GNAO1: variants seen among roughly 807,000 people sequenced by gnomAD.
The protein encoded by GNAO1 is guanine nucleotide-binding protein G(o) subunit alpha.
For missense variants in GNAO1, 166 were observed against 478.7 expected, an observed-to-expected ratio of 0.35 and a Z score of 6.10; for synonymous variants, 164 against 180.7, an observed-to-expected ratio of 0.91 and a Z score of 0.74.
chr16:56,262,265 G>A (rs894904578), intron 2 of GNAO1, among the ~76,000 whole-genome samples: 2 of 152,236 alleles, frequency 1.3e-5, no homozygotes, highest in African/African-American at 2.4e-5. Flanking sequence ...ACAGCAAGTC[G>A]CAAGGGAGCC....
chr16:56,298,737 C>A (rs1304526762), intron 3 of GNAO1, among the ~76,000 whole-genome samples: 1 of 151,602 alleles, frequency 6.6e-6, no homozygotes, highest in Non-Finnish European at 1.5e-5. Context: ...ACGGTGAAAC[C>A]CCATGTCTAC....
At chr16:56,279,650 C>A (rs2037096616) in intron 3 of GNAO1, among the ~76,000 whole-genome samples, 1 of 152,206 alleles carries the variant, frequency 6.6e-6, no homozygotes, top group Non-Finnish European at 1.5e-5. Context: ...AGGGCTTTCT[C>A]CATGAAGCTC....
intron 3 of GNAO1, among the ~76,000 whole-genome samples, chr16:56,277,882 C>T (rs538087232): frequency 1.9e-4 from 29 of 151,874 alleles, no homozygotes; most frequent in African/African-American, 6.8e-4. Context: ...ATTCATCTCC[C>T]AGCCAGCTCT....
intron 8 of GNAO1, 72 bp downstream of exon 8, chr16:56,355,153 CA>C: frequency 7.3e-6 from 4 of 550,790 alleles, no homozygotes; most frequent in Non-Finnish European, 1.3e-5. Flanking sequence ...CACACACACA[CA>C]CCACTAACAA....
At chr16:56,225,916 T>A (rs1326805400) in intron 2 of GNAO1, among the ~76,000 whole-genome samples, 2 of 151,916 alleles carry the variant, frequency 1.3e-5, no homozygotes, top group Non-Finnish European at 2.9e-5. Flanking sequence ...GAATGAAATC[T>A]CAGCCAGGAT....
intron 2 of GNAO1, among the ~76,000 whole-genome samples, chr16:56,255,954 A>T (rs1169092713): frequency 6.6e-6 from 1 of 152,168 alleles, no homozygotes; most frequent in Admixed American, 6.5e-5. Context: ...AAATCTTTTA[A>T]GTCTGCCCTG....
At chr16:56,341,294 C>T (rs148248381) in intron 6 of GNAO1, among the ~76,000 whole-genome samples, 10 of 152,300 alleles carry the variant, frequency 6.6e-5, no homozygotes, top group Middle Eastern at 3.4e-3. Context: ...GAGCAAACGC[C>T]GAGAAGATGA....
intron 2 of GNAO1, among the ~76,000 whole-genome samples, chr16:56,267,302 C>T (rs565082012): frequency 4.6e-5 from 7 of 152,306 alleles, no homozygotes; most frequent in Admixed American, 4.6e-4. Flanking sequence ...AGTCAGCTTG[C>T]TGTTCATGCC....
intron 2 of GNAO1, among the ~76,000 whole-genome samples, chr16:56,265,189 G>T (rs1191174125): frequency 4.6e-5 from 7 of 152,182 alleles, no homozygotes; most frequent in Admixed American, 4.6e-4. Flanking sequence ...CACCGTGAGG[G>T]GTTTGGTTGA....
At chr16:56,323,009 T>C (rs767463923) in intron 3 of GNAO1, among the ~76,000 whole-genome samples, 8 of 152,170 alleles carry the variant, frequency 5.3e-5, no homozygotes, top group Non-Finnish European at 7.3e-5. Context: ...GCACCAGCTG[T>C]ACCATGGTGT....
At chr16:56,280,861 C>G (rs1204339348) in intron 3 of GNAO1, among the ~76,000 whole-genome samples, 1 of 152,060 alleles carries the variant, frequency 6.6e-6, no homozygotes, top group African/African-American at 2.4e-5. Context: ...TGGGGGAGGT[C>G]CGCACATATC....
At chr16:56,260,792 C>T (rs957693932) in intron 2 of GNAO1, among the ~76,000 whole-genome samples, 5 of 152,100 alleles carry the variant, frequency 3.3e-5, no homozygotes, top group East Asian at 1.9e-4. Flanking sequence ...CTGGGAGCCG[C>T]GGCGGGGCTA....
At chr16:56,350,132 C>G (rs2037907466) in intron 6 of GNAO1, among the ~76,000 whole-genome samples, 2 of 152,090 alleles carry the variant, frequency 1.3e-5, no homozygotes, top group African/African-American at 2.4e-5. Flanking sequence ...GGCAGTGGGA[C>G]CAGCAATTCC....
chr16:56,296,763 T>C (rs1206328568), intron 3 of GNAO1, among the ~76,000 whole-genome samples: 1 of 152,236 alleles, frequency 6.6e-6, no homozygotes, highest in Non-Finnish European at 1.5e-5. Flanking sequence ...TAGATACTTC[T>C]GGGAAACCAA....
At chr16:56,305,046 C>T (rs1452520079) in intron 3 of GNAO1, among the ~76,000 whole-genome samples, 5 of 152,242 alleles carry the variant, frequency 3.3e-5, no homozygotes, top group African/African-American at 1.2e-4. Context: ...CACAGCCTGG[C>T]TCTCTTGGAT....
intron 6 of GNAO1, chr16:56,340,496 C>T (rs946221293): frequency 3.4e-5 from 9 of 263,154 alleles, no homozygotes; most frequent in South Asian, 1.8e-4. Flanking sequence ...GCGGCCCCTG[C>T]GCTGTACGTG....
chr16:56,285,212 G>A (rs1809347), intron 3 of GNAO1, among the ~76,000 whole-genome samples: 53,685 of 152,038 alleles, frequency 0.35, 9,708 homozygotes, highest in Non-Finnish European at 0.39. Context: ...GATGCCTTGC[G>A]CTTGTGTGCT....
rs1415893464 is a variant in GNAO1, at chr16:56,318,162, A to G, written c.304-10469A>G. Among the ~76,000 whole-genome samples the G allele has an allele frequency of 5.3e-5, 8 of 152,262 alleles. No individual in the cohort carries two copies. The South Asian group carries it at 1.7e-3, about 32-fold the overall frequency. ...CCCGCCCCGGAAGGGAGTGCTCCCC[A>G]CTGTTCTGACGCCCAGCTGCAGAGA... On this transcript the variant is annotated intron_variant, in intron 3 of 8. Transcript: ENST00000262493.
intron 3 of GNAO1, among the ~76,000 whole-genome samples, chr16:56,280,852 G>T (rs147117261): frequency 1.3e-5 from 2 of 152,290 alleles, no homozygotes; most frequent in East Asian, 1.9e-4. Flanking sequence ...GTTTCCAGGT[G>T]GGGGAGGTCC....
Sources: gnomAD v4.1 joint callset for allele counts (sites outside exome capture counted in the v4.1 genomes callset) on GRCh38, gnomAD v4.1.1 for gene constraint, MANE v1.5 for transcripts, NCBI Gene and HGNC (gene_info 2026-07-23, HGNC 2026-07-21) for gene names.